XKR5: variants seen among roughly 807,000 people sequenced by gnomAD.
XKR5 encodes the protein XK-related protein 5.
A neutral mutation model predicts 40.8 loss-of-function variants in XKR5; 46 were observed. The observed-to-expected ratio is 1.13, with a 90% CI of 0.89 to 1.44. The LOEUF is 1.44. XKR5 is among the 40% of genes most tolerant of loss of function. The pLI is 0.00. For synonymous variants in XKR5, 466 were observed against 356.1 expected, an observed-to-expected ratio of 1.31 and a Z score of -3.48; for missense variants, 1,169 against 844.7, an observed-to-expected ratio of 1.38 and a Z score of -4.76.
intron 6 of XKR5, among the ~76,000 whole-genome samples, chr8:6,815,551 C>T (rs969996437): frequency 1.3e-5 from 2 of 151,972 alleles, no homozygotes; most frequent in East Asian, 1.9e-4. Context: ...CCGGGGAGGA[C>T]GGGGGCTTTG....
At position 6,809,195 on chromosome 8, in the gene XKR5, C is replaced by T. The variant is rs1220559349; in HGVS notation, c.*2003G>A. ...GGGCTGGTGAGGACTCAGGGAAGTG[C>T]TCATGCTCTCACCTGGCTGGGCGAG... On this transcript the variant is annotated 3_prime_UTR_variant, in exon 7 of 7. Coordinates refer to ENST00000618742, the MANE Select transcript of XKR5 (RefSeq NM_207411.5). 2 of 152,258 alleles carry T rather than the reference C, an allele frequency of 1.3e-5. No individual in the cohort carries two copies. The highest frequency in any genetic ancestry group is 2.9e-5 in the Non-Finnish European group (2 of 68,130). The allele number at this position is 152,258 out of a possible 1,614,324, so 9.4% of individuals were successfully genotyped here.
At chr8:6,833,033 T>G (rs912678148) in intron 1 of XKR5, 133 bp from the exon 2 acceptor site, 5 of 811,260 alleles carry the variant, frequency 6.2e-6, no homozygotes, top group African/African-American at 5.5e-5. Flanking sequence ...GGCTGGGGAG[T>G]GACTGTCCCT....
chr8:6,834,762 G>T (rs1804934746), intron 1 of XKR5, among the ~76,000 whole-genome samples: 1 of 145,130 alleles, frequency 6.9e-6, no homozygotes, highest in Admixed American at 6.7e-5. Context: ...CACTGAAGGA[G>T]TTACGCGTTC....
chr8:6,826,622 T>C (rs970197138), intron 2 of XKR5, among the ~76,000 whole-genome samples: 1 of 152,096 alleles, frequency 6.6e-6, no homozygotes, highest in African/African-American at 2.4e-5. Flanking sequence ...GGCCACGATA[T>C]GAATTTCTTC....
intron 5 of XKR5, among the ~76,000 whole-genome samples, chr8:6,818,392 A>T (rs28699325): frequency 0.042 from 6,360 of 152,258 alleles, 416 homozygotes; most frequent in African/African-American, 0.13. Flanking sequence ...CTCTGATCAC[A>T]GTGGCTGCAT....
chr8:6,826,932 G>A (rs1804515157), intron 2 of XKR5, among the ~76,000 whole-genome samples: 1 of 152,166 alleles, frequency 6.6e-6, no homozygotes, highest in African/African-American at 2.4e-5. Context: ...GTGGTCCTCC[G>A]AGGCTCTCGG....
intron 2 of XKR5, among the ~76,000 whole-genome samples, chr8:6,832,120 C>T (rs564544466): frequency 5.6e-4 from 85 of 151,842 alleles, no homozygotes; most frequent in African/African-American, 2.0e-3. Context: ...CACATCTCTT[C>T]TCATAGCTCC....
chr8:6,815,764 G>T (rs1460418177), intron 6 of XKR5, 43 bp downstream of exon 6: 5 of 1,376,390 alleles, frequency 3.6e-6, no homozygotes, highest in Middle Eastern at 1.8e-4. Context: ...AAAAAAATAC[G>T]TTGGGGAGGG....
At chr8:6,819,109 C>T (rs1184204421) in intron 5 of XKR5, among the ~76,000 whole-genome samples, 2 of 152,214 alleles carry the variant, frequency 1.3e-5, no homozygotes, top group Non-Finnish European at 2.9e-5. Context: ...GGTACACTCT[C>T]CAGTGGCCCA....
intron 2 of XKR5, among the ~76,000 whole-genome samples, chr8:6,828,340 T>A (rs1361844595): frequency 6.6e-6 from 1 of 152,026 alleles, no homozygotes; most frequent in Non-Finnish European, 1.5e-5. Flanking sequence ...TGGCACAGGG[T>A]ACAAGGCACT....
At position 6,811,172 on chromosome 8, in the gene XKR5, G is replaced by A. The variant is rs1015057429; in HGVS notation, c.*26C>T. ...AATGGCCAGCTTGGTTTGTCAGCCT[G>A]TTGTCTTATCCCACCATGACTGTGG... On this transcript the variant is annotated 3_prime_UTR_variant, in exon 7 of 7. Coordinates refer to ENST00000618742, the MANE Select transcript of XKR5 (RefSeq NM_207411.5). 18 of 1,511,644 alleles carry A rather than the reference G, an allele frequency of 1.2e-5. No homozygotes were observed. Among genetic ancestry groups the A allele is most frequent in the Admixed American group, 8.2e-5 (4 of 48,858 alleles). The allele number at this position is 1,511,644 out of a possible 1,614,324, so 93.6% of individuals were successfully genotyped here. A position where few individuals can be genotyped will look rare whatever the true frequency, so the allele number is the denominator to read the frequency against.
intron 5 of XKR5, among the ~76,000 whole-genome samples, chr8:6,819,041 A>G (rs1804095511): frequency 6.6e-6 from 1 of 152,226 alleles, no homozygotes; most frequent in East Asian, 1.9e-4. Context: ...GCTCTGTCTC[A>G]GAAAAACAAA....
At position 6,831,707 on chromosome 8, in the gene XKR5, A is replaced by T. The variant is rs569206833; in HGVS notation, c.242+1010T>A. On this transcript the variant is annotated intron_variant, in intron 2 of 6. Coordinates refer to ENST00000618742, the MANE Select transcript of XKR5 (RefSeq NM_207411.5). ...AGGGCTTCACCGCTCTGATCCCTGAATTTTTCTCCCTTAAAAAAAATCCTG... is the reference window on the plus strand; with the variant it reads ...AGGGCTTCACCGCTCTGATCCCTGATTTTTTCTCCCTTAAAAAAAATCCTG... 7.6e-3 allele frequency among the ~76,000 whole-genome samples: 1,160 copies of T among 152,022 alleles called. 20 individuals carry two copies. The highest frequency in any genetic ancestry group is 0.027 in the African/African-American group (1,104 of 41,456).
At chr8:6,819,984 T>A (rs1007319314) in intron 5 of XKR5, among the ~76,000 whole-genome samples, 18 of 151,938 alleles carry the variant, frequency 1.2e-4, no homozygotes, top group African/African-American at 4.1e-4. Context: ...TACATCTATC[T>A]ACCTGTGCCA....
chr8:6,835,503 C>T lies in XKR5; in HGVS notation c.-10G>A, dbSNP rs1426826017. 4 of 1,496,388 alleles carry T rather than the reference C, an allele frequency of 2.7e-6. No individual in the cohort carries two copies. The highest frequency in any genetic ancestry group is 4.3e-5 in the Admixed American group (2 of 46,430). The allele number at this position is 1,496,388 out of a possible 1,614,324, so 92.7% of individuals were successfully genotyped here. A position where few individuals can be genotyped will look rare whatever the true frequency, so the allele number is the denominator to read the frequency against. On this transcript the variant is annotated 5_prime_UTR_variant, in exon 1 of 7. Coordinates refer to ENST00000618742, the MANE Select transcript of XKR5 (RefSeq NM_207411.5). ...GGAGCCTCGCGTGCATCTTCCGTGCCGACCCCGCAGCCTGCGCCCGCCCCT... is the reference window on the plus strand; with the variant it reads ...GGAGCCTCGCGTGCATCTTCCGTGCTGACCCCGCAGCCTGCGCCCGCCCCT...
At chr8:6,815,992 G>T in intron 5 of XKR5, 74 bp from the exon 6 acceptor site, 5 of 1,152,812 alleles carry the variant, frequency 4.3e-6, no homozygotes, top group Non-Finnish European at 6.3e-6. Context: ...CCGTGAGTCT[G>T]CAGCGGCTCC....
At chr8:6,822,133 C>A in intron 4 of XKR5, 95 bp from the exon 5 acceptor site, 1 of 1,251,024 alleles carries the variant, frequency 8.0e-7, no homozygotes, top group South Asian at 1.6e-5. Flanking sequence ...GCTCTCCGAC[C>A]ACATTTGACT....
chr8:6,815,281 C>T (rs115861729), intron 6 of XKR5, among the ~76,000 whole-genome samples: 2,117 of 152,316 alleles, frequency 0.014, 45 homozygotes, highest in African/African-American at 0.048. Flanking sequence ...TCATAAAACA[C>T]GGCTGATGAC....
intron 6 of XKR5, among the ~76,000 whole-genome samples, chr8:6,813,790 A>G (rs781509091): frequency 6.6e-6 from 1 of 152,234 alleles, no homozygotes; most frequent in Non-Finnish European, 1.5e-5. Flanking sequence ...GTGGGCCAGC[A>G]TACTGGCTGT....
Sources: allele counts gnomAD v4.1 joint callset (sites outside exome capture counted in the v4.1 genomes callset), GRCh38; gene constraint gnomAD v4.1.1; transcripts MANE v1.5; gene names NCBI Gene and HGNC (gene_info 2026-07-23, HGNC 2026-07-21).